The following FBXL7 variants were observed in gnomAD, a reference collection of about 807,000 sequenced individuals.
The protein encoded by FBXL7 is F-box and leucine rich repeat protein 7, also known as F-box/LRR-repeat protein 7.
A neutral mutation model predicts 38.3 loss-of-function variants in FBXL7; 12 were observed. That is an observed-to-expected ratio of 0.31 (90% CI 0.20 to 0.51). The LOEUF (loss-of-function observed/expected upper bound fraction) is 0.51. Among genes scored for constraint, FBXL7 ranks in the 20% least tolerant of loss-of-function variants. The probability of loss-of-function intolerance (pLI) is 0.98; values close to 1 mark genes in which losing one functional copy is unlikely to be tolerated. For missense variants in FBXL7, 567 were observed against 676.4 expected (o/e 0.84, Z 1.79); for synonymous variants, 297 against 300.9 (o/e 0.99, Z 0.13).
intron 2 of FBXL7, among the ~76,000 whole-genome samples, chr5:15,680,483 G>A (rs1742806703): frequency 1.3e-5 from 2 of 152,134 alleles, no homozygotes; most frequent in Admixed American, 1.3e-4. Flanking sequence ...ACCAAATAGA[G>A]AGGAAAGAAC....
Position 15,936,459 on chromosome 5 carries a change from A to G in FBXL7, c.749A>G (p.Lys250Arg), listed in dbSNP as rs776423724. 2 of 1,612,638 alleles carry G rather than the reference A, an allele frequency of 1.2e-6. No individual in the cohort carries two copies. The highest frequency in any genetic ancestry group is 1.7e-6 in the Non-Finnish European group (2 of 1,179,734). ...LEHLDVSGCS[K>R]VTCISLTREA... ...CTGTCTCTTTGTGCAGGATGCTCCA[A>G]AGTGACCTGCATCAGCTTGACCCGG... Residue 250 changes from lysine to arginine, a missense_variant, in exon 4 of 4, where the codon AAA becomes AGA. By Grantham distance (26) the Lys-to-Arg change is conservative. Transcript: ENST00000504595. This position sits in a 1 kb window ranked among gnomAD's most constrained non-coding sequence, Gnocchi z 6.0.
chr5:15,879,783 A>G (rs1740363562), intron 2 of FBXL7, among the ~76,000 whole-genome samples: 1 of 152,204 alleles, frequency 6.6e-6, no homozygotes, highest in Non-Finnish European at 1.5e-5. Flanking sequence ...TAGAGTGAGT[A>G]CATGAGATGA....
chr5:15,757,061 C>CA (rs1187450453), intron 2 of FBXL7, among the ~76,000 whole-genome samples: 1 of 152,012 alleles, frequency 6.6e-6, no homozygotes, highest in Admixed American at 6.6e-5. Flanking sequence ...GCAGTGCCTA[C>CA]AAAAAACATA....
chr5:15,768,933 A>G (rs1168007361), intron 2 of FBXL7, among the ~76,000 whole-genome samples: 1 of 152,254 alleles, frequency 6.6e-6, no homozygotes, highest in African/African-American at 2.4e-5. Flanking sequence ...TCAAAACAAC[A>G]AACAGTAATT....
At chr5:15,683,140 A>G (rs1031068108) in intron 2 of FBXL7, among the ~76,000 whole-genome samples, 3 of 152,180 alleles carry the variant, frequency 2.0e-5, no homozygotes, top group Non-Finnish European at 4.4e-5. Flanking sequence ...TAATTAATCA[A>G]CCACAGCTTC....
chr5:15,767,008 C>A (rs1000753595), intron 2 of FBXL7, among the ~76,000 whole-genome samples: 3 of 151,890 alleles, frequency 2.0e-5, no homozygotes, highest in African/African-American at 7.3e-5. Flanking sequence ...TTTTCTTGAA[C>A]TTTTATTTTA....
At chr5:15,529,663 C>T (rs1737364326) in intron 1 of FBXL7, among the ~76,000 whole-genome samples, 1 of 152,220 alleles carries the variant, frequency 6.6e-6, no homozygotes, top group Non-Finnish European at 1.5e-5. Flanking sequence ...GCTGGGATTA[C>T]AGGTGTGAGC....
At position 15,790,734 on chromosome 5, in the gene FBXL7, G is replaced by A. The variant is rs149404396; in HGVS notation, c.128-137156G>A. Among the ~76,000 whole-genome samples, 64 of 152,222 alleles carry A rather than the reference G, an allele frequency of 4.2e-4. 2 individuals are homozygous for A. The highest frequency in any genetic ancestry group is 1.4e-3 in the African/African-American group (59 of 41,530). On this transcript the variant is annotated intron_variant, in intron 2 of 3. Transcript: ENST00000504595. ...CCTGACATTTATTCACTGAACCCAGGTGGAATGATGGGCATCGGTCTTGTC... is the reference window on the plus strand; with the variant it reads ...CCTGACATTTATTCACTGAACCCAGATGGAATGATGGGCATCGGTCTTGTC...
intron 2 of FBXL7, among the ~76,000 whole-genome samples, chr5:15,844,283 G>A (rs182585517): frequency 1.1e-3 from 168 of 152,236 alleles, no homozygotes; most frequent in African/African-American, 2.4e-3. Flanking sequence ...TGCTTACATC[G>A]GAGGTCTGCT....
At chr5:15,598,168 AAG>A (rs1249111386) in intron 1 of FBXL7, among the ~76,000 whole-genome samples, 2 of 152,224 alleles carry the variant, frequency 1.3e-5, no homozygotes, top group East Asian at 3.8e-4. Flanking sequence ...TCAAAGAGGA[AAG>A]AGACCTACCA....
At chr5:15,867,533 C>A (rs1451526292) in intron 2 of FBXL7, among the ~76,000 whole-genome samples, 1 of 152,192 alleles carries the variant, frequency 6.6e-6, no homozygotes, top group African/African-American at 2.4e-5. Flanking sequence ...TCCCAAAATG[C>A]CCCTCTGGGA....
At chr5:15,549,993 T>A (rs1043660519) in intron 1 of FBXL7, among the ~76,000 whole-genome samples, 1 of 152,136 alleles carries the variant, frequency 6.6e-6, no homozygotes. Context: ...CCTGCAGAGA[T>A]TTGGGTAGAA....
intron 2 of FBXL7, among the ~76,000 whole-genome samples, chr5:15,743,343 G>T (rs1735937800): frequency 6.6e-6 from 1 of 152,184 alleles, no homozygotes; most frequent in Admixed American, 6.5e-5. Context: ...TGTTCCAAAT[G>T]AGAGAAAATG....
intron 2 of FBXL7, among the ~76,000 whole-genome samples, chr5:15,859,701 A>C (rs1337082259): frequency 6.6e-6 from 1 of 152,118 alleles, no homozygotes; most frequent in African/African-American, 2.4e-5. Flanking sequence ...CCCATTATTC[A>C]ATTACCTCCC....
At chr5:15,841,727 C>T (rs556880776) in intron 2 of FBXL7, among the ~76,000 whole-genome samples, 1 of 152,308 alleles carries the variant, frequency 6.6e-6, no homozygotes, top group East Asian at 1.9e-4. Context: ...TGCCCAGTGT[C>T]CCAGCCACTC....
intron 2 of FBXL7, among the ~76,000 whole-genome samples, chr5:15,692,603 CT>C (rs1365825893): frequency 7.9e-5 from 12 of 152,270 alleles, no homozygotes; most frequent in East Asian, 1.9e-4. Flanking sequence ...GTTTTTACCC[CT>C]GGCCATAGAA....
chr5:15,885,401 A>G (rs1248798286), intron 2 of FBXL7, among the ~76,000 whole-genome samples: 3 of 152,110 alleles, frequency 2.0e-5, no homozygotes, highest in Admixed American at 6.5e-5. Flanking sequence ...TCCAAATTTC[A>G]TTTATTAGAG....
intron 2 of FBXL7, among the ~76,000 whole-genome samples, chr5:15,752,859 A>T (rs1736189490): frequency 6.6e-6 from 1 of 152,194 alleles, no homozygotes; most frequent in African/African-American, 2.4e-5. Context: ...TTCTTGGCGA[A>T]CTGTAAACTA....
intron 2 of FBXL7, among the ~76,000 whole-genome samples, chr5:15,786,436 T>A (rs1364014291): frequency 6.6e-6 from 1 of 152,246 alleles, no homozygotes; most frequent in Non-Finnish European, 1.5e-5. Flanking sequence ...TATTTTTTGA[T>A]GTTTTCTACT....
Sources: allele counts gnomAD v4.1 joint callset (sites outside exome capture counted in the v4.1 genomes callset), GRCh38; gene constraint gnomAD v4.1.1; non-coding constraint Gnocchi (gnomAD v3.1); transcripts MANE v1.5; gene names NCBI Gene and HGNC (gene_info 2026-07-23, HGNC 2026-07-21).